GCSAML: variants seen among roughly 807,000 people sequenced by gnomAD.
GCSAML encodes the protein germinal center associated signaling and motility like, also known as germinal center-associated signaling and motility-like protein.
In GCSAML, 9 loss-of-function variants were observed where a neutral mutation model predicts 13.0. The ratio of observed to expected loss-of-function variants is 0.69; its 90% CI spans 0.42 to 1.21. GCSAML has a LOEUF of 1.21. Among genes scored for constraint, GCSAML ranks in the 50% most tolerant of loss-of-function variants. GCSAML has a pLI of 0.00. For missense variants in GCSAML, 143 were observed against 153.4 expected, an observed-to-expected ratio of 0.93 and a Z score of 0.36; for synonymous variants, 37 against 52.9, an observed-to-expected ratio of 0.70 and a Z score of 1.31.
At chr1:247,516,051 G>A (rs1272632063) in intron 1 of GCSAML, among the ~76,000 whole-genome samples, 1 of 152,152 alleles carries the variant, frequency 6.6e-6, no homozygotes, top group African/African-American at 2.4e-5. Flanking sequence ...CAGCAAAAAT[G>A]GCAGAGGAAG....
intron 2 of GCSAML, chr1:247,530,522 C>CG (rs1553302957): frequency 1.4e-5 from 2 of 140,338 alleles, no homozygotes; most frequent in Non-Finnish European, 3.2e-5. Flanking sequence ...TGCCATCCCC[C>CG]CCCCACAAAA....
Position 247,556,451 on chromosome 1 carries a change from A to T in GCSAML, c.74A>T (p.Asp25Val). ...NQKKPKKGNP[D>V]EERKRQEMTT... ...AAGAAGCCCAAGAAAGGAAACCCAG[A>T]TGAGGAAAGAAAACGGTAAGAACAG... Residue 25 changes from aspartate to valine, a missense_variant, in exon 2 of 5, where the codon GAT (aspartate) becomes GTT (valine). By Grantham distance (152) the Asp-to-Val change is radical. Transcript: ENST00000366488. The T allele has an allele frequency of 1.2e-6, 2 of 1,611,240 alleles. No homozygotes were observed. The highest frequency in any genetic ancestry group is 1.3e-5 in the African/African-American group (1 of 74,972).
At chr1:247,533,337 A>T (rs1667087326) in intron 2 of GCSAML, among the ~76,000 whole-genome samples, 1 of 152,006 alleles carries the variant, frequency 6.6e-6, no homozygotes, top group African/African-American at 2.4e-5. Context: ...GTGGCCCCTC[A>T]TTCTTCCCCG....
chr1:247,544,271 C>T (rs182986209), upstream of GCSAML, among the ~76,000 whole-genome samples: 4 of 152,298 alleles, frequency 2.6e-5, no homozygotes, highest in African/African-American at 7.2e-5. Context: ...GTCAGGAAAA[C>T]ATTTTTAGTT....
At chr1:247,539,457 G>A (rs898689342) in intron 2 of GCSAML, among the ~76,000 whole-genome samples, 4 of 152,170 alleles carry the variant, frequency 2.6e-5, no homozygotes, top group Non-Finnish European at 4.4e-5. Context: ...TTAAGCAATC[G>A]TTACCACAGT....
intron 1 of GCSAML, among the ~76,000 whole-genome samples, chr1:247,516,663 A>G (rs1666221806): frequency 6.6e-6 from 1 of 151,584 alleles, no homozygotes; most frequent in Admixed American, 6.6e-5. Flanking sequence ...TTCAGATTAG[A>G]CCTCAAATGG....
intron 1 of GCSAML, among the ~76,000 whole-genome samples, chr1:247,555,346 G>A (rs930156359): frequency 1.3e-5 from 2 of 151,778 alleles, no homozygotes; most frequent in African/African-American, 4.8e-5. Flanking sequence ...CTTTTTACCT[G>A]ATTTACAATC....
intron 1 of GCSAML, 31 bp downstream of exon 1, chr1:247,549,251 T>C (rs763678283): frequency 6.3e-7 from 1 of 1,588,496 alleles, no homozygotes; most frequent in East Asian, 2.2e-5. Flanking sequence ...CCGCCTTTCT[T>C]GGGAGAAAGA....
At chr1:247,508,076 T>C (rs1665889511) in intron 1 of GCSAML, among the ~76,000 whole-genome samples, 1 of 152,228 alleles carries the variant, frequency 6.6e-6, no homozygotes, top group South Asian at 2.1e-4. Flanking sequence ...TCTAGATCCT[T>C]GAGGAATTGC....
At chr1:247,569,226 G>C (rs1668505864) in intron 4 of GCSAML, among the ~76,000 whole-genome samples, 1 of 152,154 alleles carries the variant, frequency 6.6e-6, no homozygotes, top group African/African-American at 2.4e-5. Context: ...GCCCTGGTCA[G>C]AACTCCCAAT....
intron 1 of GCSAML, among the ~76,000 whole-genome samples, chr1:247,521,085 A>G (rs894460491): frequency 2.7e-5 from 4 of 150,444 alleles, no homozygotes; most frequent in Non-Finnish European, 5.9e-5. Flanking sequence ...GGTGAAATAA[A>G]TCTTAGAATT....
At chr1:247,523,051 AAAAATGTTTATCAT>A (rs1666515541) in intron 1 of GCSAML, among the ~76,000 whole-genome samples, 1 of 152,342 alleles carries the variant, frequency 6.6e-6, no homozygotes, top group South Asian at 2.1e-4. Flanking sequence ...CTATTGTATC[AAAAATGTTTATCAT>A]TTTTAGTAAA....
chr1:247,550,577 C>G (rs936217278), intron 1 of GCSAML, among the ~76,000 whole-genome samples: 2 of 151,960 alleles, frequency 1.3e-5, no homozygotes, highest in Non-Finnish European at 2.9e-5. Flanking sequence ...GCGGAGCTTG[C>G]AGTGAGCCGA....
intron 2 of GCSAML, among the ~76,000 whole-genome samples, chr1:247,557,836 T>A (rs182308539): frequency 6.6e-6 from 1 of 152,354 alleles, no homozygotes; most frequent in African/African-American, 2.4e-5. Context: ...TTTTATCAGC[T>A]GCTGTGAATC....
intron 1 of GCSAML, among the ~76,000 whole-genome samples, chr1:247,509,033 T>C (rs570085552): frequency 8.5e-5 from 13 of 152,250 alleles, no homozygotes; most frequent in Non-Finnish European, 1.9e-4. Context: ...CTTCTAATTA[T>C]GTGAAGAATG....
intron 4 of GCSAML, among the ~76,000 whole-genome samples, chr1:247,573,188 C>G (rs1381161612): frequency 6.6e-6 from 1 of 152,168 alleles, no homozygotes; most frequent in African/African-American, 2.4e-5. Context: ...ACAGTTCTTT[C>G]TCATTGGTGT....
At position 247,576,946 on chromosome 1, in the gene GCSAML, A is replaced by G. The variant is rs1668861098; in HGVS notation, c.*2564A>G. Reference sequence around the variant, plus strand: ...TGGAATTATCAGAGAAGGGGCAAGCAATAGGTTAATAAACAGTATTGATTG... The same window carrying G: ...TGGAATTATCAGAGAAGGGGCAAGCGATAGGTTAATAAACAGTATTGATTG... On this transcript the variant is annotated 3_prime_UTR_variant, in exon 5 of 5. Transcript: ENST00000366488. The G allele has an allele frequency of 6.6e-6, 1 of 152,228 alleles. No individual in the cohort carries two copies. Among genetic ancestry groups the G allele is most frequent in the Non-Finnish European group, 1.5e-5 (1 of 68,034 alleles). 9.4% of individuals were successfully genotyped at this position (152,228 alleles called of 1,614,324 possible). A position where few individuals can be genotyped will look rare whatever the true frequency, so the allele number is the denominator to read the frequency against.
intron 4 of GCSAML, among the ~76,000 whole-genome samples, chr1:247,568,669 T>G (rs1176063): frequency 1 from 151,767 of 152,244 alleles, 75,647 homozygotes; most frequent in East Asian, 1. Context: ...CACTTTTTTG[T>G]TTCCATATGA....
Position 247,571,673 on chromosome 1 carries a change from G to A in GCSAML, c.169-2470G>A, listed in dbSNP as rs967227477. On this transcript the variant is annotated intron_variant, in intron 4 of 4. Coordinates refer to ENST00000366488, the MANE Select transcript of GCSAML (RefSeq NM_145278.5). The stretch of plus-strand genomic sequence containing the variant: ...CAACGTCGGTGAATCTGATGATTAT[G>A]TGTCTTGGGGTTGCTCTTCTCAGGA... Among the ~76,000 whole-genome samples the A allele has an allele frequency of 7.2e-5, 11 of 152,146 alleles. No individual in the cohort carries two copies. The East Asian group carries it at 7.7e-4, about 11-fold the overall frequency.
Sources: allele counts gnomAD v4.1 joint callset (sites outside exome capture counted in the v4.1 genomes callset), GRCh38; gene constraint gnomAD v4.1.1; transcripts MANE v1.5; gene names NCBI Gene and HGNC (gene_info 2026-07-23, HGNC 2026-07-21).